Variants in IL1RAPL2 observed in about 807,000 individuals in gnomAD.
The protein encoded by IL1RAPL2 is interleukin 1 receptor accessory protein like 2.
Under a neutral mutation model 44.1 loss-of-function variants are expected in IL1RAPL2, and 3 were observed. The ratio of observed to expected loss-of-function variants is 0.07; its 90% CI spans 0.03 to 0.18. IL1RAPL2 has a LOEUF of 0.18. Ranked by LOEUF, IL1RAPL2 falls within the 10% of genes least tolerant of loss-of-function variation. The pLI, the probability that IL1RAPL2 is intolerant of heterozygous loss-of-function variation, is 1.00. For synonymous variants in IL1RAPL2, 181 were observed against 178.8 expected (o/e 1.01, Z -0.10); for missense variants, 391 against 496.4 (o/e 0.79, Z 2.02).
chrX:105,061,917 G>A (rs769368310), intron 2 of IL1RAPL2, among the ~76,000 whole-genome samples: 1 of 111,538 alleles, frequency 9.0e-6, no homozygotes, highest in African/African-American at 3.2e-5. Flanking sequence ...TTTTCAGTCT[G>A]TGTCTTTATG....
intron 2 of IL1RAPL2, among the ~76,000 whole-genome samples, chrX:105,154,696 C>A (rs1194243689): frequency 9.0e-6 from 1 of 111,360 alleles, no homozygotes. Flanking sequence ...CCACTGGATC[C>A]TCTTTTCTTG....
At chrX:104,844,930 C>G (rs940071322) in intron 2 of IL1RAPL2, among the ~76,000 whole-genome samples, 2 of 111,722 alleles carry the variant, frequency 1.8e-5, no homozygotes, top group African/African-American at 6.5e-5. Context: ...TTTTGCATTT[C>G]CTATTTGTAA....
intron 2 of IL1RAPL2, among the ~76,000 whole-genome samples, chrX:104,863,220 AC>A (rs1922535653): frequency 9.0e-6 from 1 of 111,548 alleles, no homozygotes; most frequent in Non-Finnish European, 1.9e-5. Context: ...ACTTGCTCAG[AC>A]CACTGCCATC....
At chrX:104,613,806 GT>G (rs60588678) in intron 1 of IL1RAPL2, among the ~76,000 whole-genome samples, 15,268 of 61,678 alleles carry the variant, frequency 0.25, 1,266 homozygotes, top group East Asian at 0.36. Flanking sequence ...TCCAGGGCAT[GT>G]TTTTTTTTTT....
intron 2 of IL1RAPL2, among the ~76,000 whole-genome samples, chrX:104,956,183 A>G (rs1925705772): frequency 8.9e-6 from 1 of 111,878 alleles, no homozygotes; most frequent in African/African-American, 3.3e-5. Flanking sequence ...CACAGCTTTC[A>G]CTGACTTGGC....
chrX:104,983,931 A>T (rs758171107), intron 2 of IL1RAPL2, among the ~76,000 whole-genome samples: 1 of 109,797 alleles, frequency 9.1e-6, no homozygotes, highest in South Asian at 3.8e-4. Flanking sequence ...GGCTCCATTG[A>T]GTTGGCAATC....
At chrX:105,320,788 T>G in intron 5 of IL1RAPL2, among the ~76,000 whole-genome samples, 1 of 111,931 alleles carries the variant, frequency 8.9e-6, no homozygotes, top group Non-Finnish European at 1.9e-5. Flanking sequence ...GAGTGAAGTT[T>G]ACACTGATGC....
At position 104,938,553 on chromosome X, in the gene IL1RAPL2, A is replaced by G. The variant is rs6621882; in HGVS notation, c.83-256922A>G. On this transcript the variant is annotated intron_variant, in intron 2 of 10. Coordinates refer to ENST00000372582, the MANE Select transcript of IL1RAPL2 (RefSeq NM_017416.2). ...CGGGTGATAAAAATGACTTTGCTTC[A>G]GTGAAATGATTCTAATTCTAAATTT... Among the ~76,000 whole-genome samples the G allele has an allele frequency of 8.9e-3, 997 of 111,422 alleles. 7 individuals are homozygous for G. Among genetic ancestry groups the G allele is most frequent in the African/African-American group, 0.031 (937 of 30,715 alleles).
chrX:104,893,658 C>T (rs920526976), intron 2 of IL1RAPL2, among the ~76,000 whole-genome samples: 1 of 111,334 alleles, frequency 9.0e-6, no homozygotes, highest in Non-Finnish European at 1.9e-5. Flanking sequence ...TCCTCCATCC[C>T]TTTATGTTGA....
At position 105,066,140 on chromosome X, in the gene IL1RAPL2, T is replaced by C. The variant is rs750057816; in HGVS notation, c.83-129335T>C. On this transcript the variant is annotated intron_variant, in intron 2 of 10. Coordinates refer to ENST00000372582, the MANE Select transcript of IL1RAPL2 (RefSeq NM_017416.2). ...AAGGCTTTCTGTTTCAAAACACTTA[T>C]ACCAACATTTTCCTTTCTGTCCTCA... 5.4e-5 allele frequency among the ~76,000 whole-genome samples: 6 copies of C among 110,990 alleles called. No individual in the cohort carries two copies. The Admixed American group carries it at 5.8e-4, about 11-fold the overall frequency.
Position 105,393,047 on chromosome X carries a change from C to T in IL1RAPL2, c.698-91266C>T, listed in dbSNP as rs771783832. ...CACAGACAAAATCAATTCACTAGGA[C>T]TGCAGCAATGCAGTAAAGAAAGTTT... is the stretch of plus-strand genomic sequence containing the variant. On this transcript the variant is annotated intron_variant, in intron 5 of 10. Coordinates refer to ENST00000372582, the MANE Select transcript of IL1RAPL2 (RefSeq NM_017416.2). 8.9e-5 allele frequency among the ~76,000 whole-genome samples: 10 copies of T among 112,744 alleles called. No homozygotes were observed. In the South Asian group the frequency reaches 1.1e-3, roughly 12 times the overall value.
intron 2 of IL1RAPL2, among the ~76,000 whole-genome samples, chrX:105,115,633 C>T (rs1365723506): frequency 8.9e-6 from 1 of 112,821 alleles, no homozygotes; most frequent in East Asian, 2.8e-4. Flanking sequence ...AATCCCTTAG[C>T]TAGACATAAA....
At chrX:105,371,452 G>A (rs1398513279) in intron 5 of IL1RAPL2, among the ~76,000 whole-genome samples, 1 of 111,007 alleles carries the variant, frequency 9.0e-6, no homozygotes, top group African/African-American at 3.3e-5. Flanking sequence ...ACTGCATAAG[G>A]CTAGCCAGTT....
chrX:105,523,879 T>C (rs1317284482), intron 6 of IL1RAPL2, among the ~76,000 whole-genome samples: 1 of 111,338 alleles, frequency 9.0e-6, no homozygotes, highest in East Asian at 2.8e-4. Context: ...ATAGGCCACC[T>C]GTTTCCCCTG....
At chrX:104,937,868 T>C (rs1331976452) in intron 2 of IL1RAPL2, among the ~76,000 whole-genome samples, 2 of 112,594 alleles carry the variant, frequency 1.8e-5, no homozygotes, top group East Asian at 5.6e-4. Context: ...AGTAGTGATT[T>C]GGACATCTTT....
intron 5 of IL1RAPL2, among the ~76,000 whole-genome samples, chrX:105,293,566 G>C (rs1372605654): frequency 8.9e-6 from 1 of 111,891 alleles, no homozygotes; most frequent in Non-Finnish European, 1.9e-5. Flanking sequence ...TGAGCATATA[G>C]GGAAAAAATT....
intron 9 of IL1RAPL2, among the ~76,000 whole-genome samples, chrX:105,754,311 C>A (rs2038619865): frequency 8.9e-6 from 1 of 111,853 alleles, no homozygotes; most frequent in East Asian, 2.8e-4. Flanking sequence ...CCTTCAGAAA[C>A]TAATACCTCA....
chrX:104,900,601 G>A (rs1481654676), intron 2 of IL1RAPL2, among the ~76,000 whole-genome samples: 1 of 112,026 alleles, frequency 8.9e-6, no homozygotes, highest in Non-Finnish European at 1.9e-5. Flanking sequence ...TAAGCTGGAG[G>A]TTGAGCTCAG....
At chrX:105,404,139 T>G (rs2035625458) in intron 5 of IL1RAPL2, among the ~76,000 whole-genome samples, 1 of 111,749 alleles carries the variant, frequency 8.9e-6, no homozygotes, top group Admixed American at 9.5e-5. Flanking sequence ...GTTTAGAAGA[T>G]AAATAGAGCA....
Sources: allele counts gnomAD v4.1 joint callset (sites outside exome capture counted in the v4.1 genomes callset), GRCh38; gene constraint gnomAD v4.1.1; transcripts MANE v1.5; gene names NCBI Gene and HGNC (gene_info 2026-07-23, HGNC 2026-07-21).